Variants in SLC1A1 observed in about 807,000 individuals in gnomAD.
SLC1A1 encodes the protein excitatory amino acid transporter 3.
In SLC1A1, 43 loss-of-function variants were observed where a neutral mutation model predicts 53.3. The ratio of observed to expected loss-of-function variants is 0.81; its 90% CI spans 0.63 to 1.04. The LOEUF (loss-of-function observed/expected upper bound fraction) is 1.04, where lower values mean the gene tolerates loss of function less well. Among genes scored for constraint, SLC1A1 ranks in the 50% least tolerant of loss-of-function variants. SLC1A1 has a pLI of 0.00. For missense variants in SLC1A1, 748 were observed against 664.9 expected, an observed-to-expected ratio of 1.12 and a Z score of -1.37; for synonymous variants, 307 against 243.2, an observed-to-expected ratio of 1.26 and a Z score of -2.44.
At position 4,494,023 on chromosome 9, in the gene SLC1A1, T is replaced by G. The variant is rs1230960807; in HGVS notation, c.91+3253T>G. On this transcript the variant is annotated intron_variant, in intron 1 of 11. Transcript: ENST00000262352. ...GATTCAATAGTTAGGTGACCATCTT[T>G]TTAAATTTCTGCGACACCCTACATG... is the stretch of plus-strand genomic sequence containing the variant. Among the ~76,000 whole-genome samples the G allele has an allele frequency of 2.0e-5, 3 of 152,218 alleles. 1 individual carries two copies. Among genetic ancestry groups the G allele is most frequent in the Non-Finnish European group, 4.4e-5 (3 of 68,040 alleles).
intron 2 of SLC1A1, among the ~76,000 whole-genome samples, chr9:4,548,411 G>C (rs1205935665): frequency 6.6e-6 from 1 of 152,046 alleles, no homozygotes; most frequent in Non-Finnish European, 1.5e-5. Flanking sequence ...GTCCCCTAAG[G>C]ATACGTAAAT....
At chr9:4,578,846 T>A (rs301432) in intron 10 of SLC1A1, among the ~76,000 whole-genome samples, 10,662 of 152,150 alleles carry the variant, frequency 0.07, 757 homozygotes, top group East Asian at 0.2. Context: ...TATGTTAGAG[T>A]GATAGGCTGG....
intron 1 of SLC1A1, among the ~76,000 whole-genome samples, chr9:4,526,305 C>T (rs1816256959): frequency 2.0e-5 from 3 of 152,150 alleles, no homozygotes; most frequent in African/African-American, 7.2e-5. Context: ...GAATACTGAA[C>T]AGCACTTTGA....
At chr9:4,573,441 C>T (rs376190832) in intron 7 of SLC1A1, among the ~76,000 whole-genome samples, 9 of 152,124 alleles carry the variant, frequency 5.9e-5, no homozygotes, top group Non-Finnish European at 8.8e-5. Flanking sequence ...CAAGATACAA[C>T]GATAGCTCCA....
At chr9:4,509,716 A>G (rs1208394540) in intron 1 of SLC1A1, among the ~76,000 whole-genome samples, 1 of 152,198 alleles carries the variant, frequency 6.6e-6, no homozygotes, top group Non-Finnish European at 1.5e-5. Context: ...GGTGAATCGG[A>G]GGGCAAATGG....
intron 1 of SLC1A1, among the ~76,000 whole-genome samples, chr9:4,542,258 C>A (rs1417738718): frequency 6.6e-6 from 1 of 152,130 alleles, no homozygotes; most frequent in Non-Finnish European, 1.5e-5. Flanking sequence ...CAAGAACAAG[C>A]TTGATAGAAA....
intron 1 of SLC1A1, among the ~76,000 whole-genome samples, chr9:4,516,853 C>A (rs1169013940): frequency 6.6e-6 from 1 of 152,158 alleles, no homozygotes; most frequent in Admixed American, 6.5e-5. Context: ...CCCTGGCATT[C>A]AAGGGCTTTC....
chr9:4,534,434 C>T (rs1816596876), intron 1 of SLC1A1, among the ~76,000 whole-genome samples: 1 of 152,168 alleles, frequency 6.6e-6, no homozygotes, highest in South Asian at 2.1e-4. Flanking sequence ...CTATAAACAC[C>T]TCTACACAAA....
intron 6 of SLC1A1, among the ~76,000 whole-genome samples, chr9:4,569,157 T>C (rs1037072596): frequency 6.6e-6 from 1 of 152,146 alleles, no homozygotes; most frequent in Admixed American, 6.5e-5. Context: ...CTGCTATAGA[T>C]TTGTCAGGTA....
intron 8 of SLC1A1, among the ~76,000 whole-genome samples, chr9:4,575,514 G>A (rs1282670306): frequency 6.6e-6 from 1 of 152,168 alleles, no homozygotes. Context: ...GGTGAGGACT[G>A]AGCGCTGTGA....
At chr9:4,579,733 C>A (rs1414960600) in intron 10 of SLC1A1, among the ~76,000 whole-genome samples, 1 of 152,132 alleles carries the variant, frequency 6.6e-6, no homozygotes, top group African/African-American at 2.4e-5. Context: ...CATTATAGTT[C>A]ATGTGACTAA....
chr9:4,566,941 G>GTACAGACTAAGGGAATAAATAAATATCA (rs1819546182), intron 5 of SLC1A1, among the ~76,000 whole-genome samples: 1 of 152,166 alleles, frequency 6.6e-6, no homozygotes. Flanking sequence ...TGGCAACTCT[G>GTACAGACTAAGGGAATAAATAAATATCA]TTGCTCTCTG....
intron 1 of SLC1A1, among the ~76,000 whole-genome samples, chr9:4,536,625 G>T (rs138135046): frequency 0.024 from 3,678 of 152,312 alleles, 157 homozygotes; most frequent in African/African-American, 0.085. Flanking sequence ...CATTGTGGAA[G>T]TCAGTGTGGC....
intron 1 of SLC1A1, among the ~76,000 whole-genome samples, chr9:4,528,021 C>T (rs1816324741): frequency 6.6e-6 from 1 of 152,160 alleles, no homozygotes; most frequent in Admixed American, 6.5e-5. Context: ...TTATTTCCCT[C>T]TCGTCACCCC....
chr9:4,545,058 G>C (rs1817355385), intron 2 of SLC1A1, among the ~76,000 whole-genome samples: 1 of 152,162 alleles, frequency 6.6e-6, no homozygotes, highest in South Asian at 2.1e-4. Flanking sequence ...TGGGGATTAT[G>C]GGGATTACAA....
At chr9:4,543,605 A>G (rs900368583) in intron 1 of SLC1A1, among the ~76,000 whole-genome samples, 46 of 152,346 alleles carry the variant, frequency 3.0e-4, no homozygotes, top group African/African-American at 1.0e-3. Context: ...CTACACTCAC[A>G]TAATTATAAG....
chr9:4,570,376 A>ATT (rs947133531), intron 6 of SLC1A1, among the ~76,000 whole-genome samples: 3 of 145,982 alleles, frequency 2.1e-5, no homozygotes, highest in Non-Finnish European at 3.0e-5. Flanking sequence ...CCTCAACATA[A>ATT]TTTTTTTTTT....
intron 1 of SLC1A1, among the ~76,000 whole-genome samples, chr9:4,495,023 A>G (rs2130789794): frequency 1.3e-5 from 2 of 152,322 alleles, no homozygotes; most frequent in Middle Eastern, 3.4e-3. Flanking sequence ...AATCATGCAT[A>G]GATTCTGATT....
chr9:4,518,234 C>CAAAAAAAAAAAAAAAAAAAAAAAAAAA (rs34559140), intron 1 of SLC1A1, among the ~76,000 whole-genome samples: 1 of 60,432 alleles, frequency 1.7e-5, no homozygotes, highest in Non-Finnish European at 2.8e-5. Flanking sequence ...TATTCCACCT[C>CAAAAAAAAAAAAAAAAAAAAAAAAAAA]AAAAAAAAAA....
Sources: gnomAD v4.1 joint callset for allele counts (sites outside exome capture counted in the v4.1 genomes callset) on GRCh38, gnomAD v4.1.1 for gene constraint, MANE v1.5 for transcripts, NCBI Gene and HGNC (gene_info 2026-07-23, HGNC 2026-07-21) for gene names.